The following BPTF variants were observed in gnomAD, a reference collection of about 807,000 sequenced individuals.
The protein encoded by BPTF is nucleosome-remodeling factor subunit BPTF.
Under a neutral mutation model 292.5 loss-of-function variants are expected in BPTF, and 18 were observed. The ratio of observed to expected loss-of-function variants is 0.06; its 90% CI spans 0.04 to 0.09. The LOEUF (loss-of-function observed/expected upper bound fraction) is 0.09. BPTF is among the 10% of genes least tolerant of loss of function. The probability of loss-of-function intolerance (pLI) is 1.00; values close to 1 mark genes in which losing one functional copy is unlikely to be tolerated. For missense variants in BPTF, 2,726 were observed against 3,498.7 expected (o/e 0.78, Z 5.57); for synonymous variants, 1,225 against 1,251.9 (o/e 0.98, Z 0.45).
At chr17:67,930,955 A>C (rs1186279351) in intron 17 of BPTF, among the ~76,000 whole-genome samples, 1 of 143,220 alleles carries the variant, frequency 7.0e-6, no homozygotes, top group Non-Finnish European at 1.5e-5. Context: ...ACTCTGTCTC[A>C]AAAAAAAAAA....
chr17:67,946,512 A>G (rs562260772), intron 21 of BPTF, among the ~76,000 whole-genome samples, 187 bp downstream of exon 21: 1 of 152,352 alleles, frequency 6.6e-6, no homozygotes, highest in Non-Finnish European at 1.5e-5. Flanking sequence ...ACTTCGTTAG[A>G]TACATATAAT....
rs1326352986 is a variant in BPTF at position 67,919,924 on chromosome 17, C to T, written c.5429-91C>T. 2.1e-5 allele frequency: 27 copies of T among 1,274,582 alleles called. 1 individual carries two copies. Among genetic ancestry groups the T allele is most frequent in the South Asian group, 8.7e-5 (6 of 68,658 alleles). The allele number at this position is 1,274,582 out of a possible 1,614,324, so 79.0% of individuals were successfully genotyped here. ...CAGGTGTTTCCAAAAGTTTATTCCA[C>T]GTGTGTCTCTTTTTGAAAGCACCAG... is the stretch of plus-strand genomic sequence containing the variant. On this transcript the variant is annotated intron_variant, in intron 12 of 27. Coordinates refer to ENST00000306378, the MANE Select transcript of BPTF (RefSeq NM_182641.4).
At chr17:67,964,892 C>CTGG (rs2067902117) in intron 25 of BPTF, 1 of 138,156 alleles carries the variant, frequency 7.2e-6, no homozygotes, top group African/African-American at 2.7e-5. Context: ...CTAGCTACTC[C>CTGG]GGAGGTTGAG....
At chr17:67,913,742 G>A (rs1298227918) in intron 11 of BPTF, among the ~76,000 whole-genome samples, 1 of 152,110 alleles carries the variant, frequency 6.6e-6, no homozygotes, top group Non-Finnish European at 1.5e-5. Flanking sequence ...CCCAGAAATA[G>A]TCCTAATTTA....
At chr17:67,916,930 G>C (rs2063045838) in intron 11 of BPTF, among the ~76,000 whole-genome samples, 1 of 152,002 alleles carries the variant, frequency 6.6e-6, no homozygotes, top group African/African-American at 2.4e-5. Context: ...TGTCAACAAA[G>C]TATTCAGTTA....
At chr17:67,838,073 G>C (rs56011159) in intron 1 of BPTF, among the ~76,000 whole-genome samples, 11 of 152,144 alleles carry the variant, frequency 7.2e-5, no homozygotes, top group Non-Finnish European at 1.5e-4. Context: ...TTGTTCTTAG[G>C]TTACCAATTA....
chr17:67,895,354 AAAG>A (rs1240866938), intron 7 of BPTF, among the ~76,000 whole-genome samples: 3 of 149,286 alleles, frequency 2.0e-5, no homozygotes, highest in African/African-American at 7.6e-5. Context: ...AAAAAAAAAA[AAAG>A]GAATGTAATA....
chr17:67,870,397 A>G (rs1300590057), intron 3 of BPTF, among the ~76,000 whole-genome samples: 3 of 152,082 alleles, frequency 2.0e-5, no homozygotes, highest in East Asian at 1.9e-4. Context: ...CAGGTGCTCA[A>G]CTAGGTGTTT....
At chr17:67,929,847 G>A (rs1040372450) in intron 17 of BPTF, among the ~76,000 whole-genome samples, 1 of 152,150 alleles carries the variant, frequency 6.6e-6, no homozygotes, top group Non-Finnish European at 1.5e-5. Flanking sequence ...CAGGTGCGGC[G>A]GCTCACGCCT....
At chr17:67,956,276 G>A (rs1289026560) in intron 23 of BPTF, 2 of 130,336 alleles carry the variant, frequency 1.5e-5, no homozygotes, top group African/African-American at 5.7e-5. Flanking sequence ...CCGAGATTGC[G>A]CCACTGCATT....
chr17:67,926,178 T>C (rs1200942495), intron 15 of BPTF, among the ~76,000 whole-genome samples: 1 of 151,324 alleles, frequency 6.6e-6, no homozygotes, highest in Non-Finnish European at 1.5e-5. Context: ...TGGCTGATTT[T>C]TGTGTTTTTT....
chr17:67,834,416 A>G (rs1275258455), intron 1 of BPTF, among the ~76,000 whole-genome samples: 2 of 152,194 alleles, frequency 1.3e-5, no homozygotes, highest in Admixed American at 1.3e-4. Flanking sequence ...AGTATTGCAT[A>G]AATGTCAATT....
Position 67,911,275 on chromosome 17 carries a change from G to T in BPTF, c.3391G>T (p.Asp1131Tyr). The T allele has an allele frequency of 6.2e-7, 1 of 1,614,030 alleles. No homozygotes were observed. The highest frequency in any genetic ancestry group is 8.5e-7 in the Non-Finnish European group (1 of 1,179,982). ...AGAACAGAGCCCAAATGCAAATAAT[G>T]ATCAACCTGAGGACTTGATTCAGGG... ...RQEQSPNANN[D>Y]QPEDLIQGCS... The change falls in exon 11 of 28, where the codon GAT (aspartate) becomes TAT (tyrosine). Residue 1131 changes from aspartate to tyrosine, a missense_variant. By Grantham distance (160) the Asp-to-Tyr change is radical (BLOSUM62 -3). Transcript: ENST00000306378.
chr17:67,911,873 A>G lies in BPTF; in HGVS notation c.3989A>G (p.Glu1330Gly). ...CGAGAACAAGATGTTGAAGTCTTGG[A>G]GCCGTTAAAGTGTGAGTTGGTTTCT... is the stretch of plus-strand genomic sequence containing the variant. ...RTREQDVEVL[E>G]PLKCELVSGE... Residue 1330 changes from glutamate to glycine, a missense_variant, in exon 11 of 28, where the codon GAG (glutamate) becomes GGG (glycine). Transcript: ENST00000306378. The G allele has an allele frequency of 6.2e-7, 1 of 1,614,080 alleles. No homozygotes were observed. Among genetic ancestry groups the G allele is most frequent in the Non-Finnish European group, 8.5e-7 (1 of 1,179,998 alleles).
chr17:67,982,489 A>T lies in BPTF; in HGVS notation c.*201A>T. 1 of 464,348 alleles carries T rather than the reference A, an allele frequency of 2.2e-6. No homozygotes were observed. The highest frequency in any genetic ancestry group is 3.9e-6 in the Non-Finnish European group (1 of 255,778). The allele number at this position is 464,348 out of a possible 1,614,324, so 28.8% of individuals were successfully genotyped here. A position where few individuals can be genotyped will look rare whatever the true frequency, so the allele number is the denominator to read the frequency against. On this transcript the variant is annotated 3_prime_UTR_variant, in exon 28 of 28. Transcript: ENST00000306378. ...AGAAAAAAGCAAAGTCAACGACACC[A>T]TTATCTTGTCAAGATCAGATGGTTT...
At chr17:67,875,669 T>C (rs2060007463) in intron 4 of BPTF, 4 of 1,606,762 alleles carry the variant, frequency 2.5e-6, no homozygotes, top group African/African-American at 1.3e-5. Flanking sequence ...CCCTGTGGGG[T>C]GTCTCTCAGA....
In BPTF at chr17:67,947,787, C is replaced by A. The variant is rs1555676184; in HGVS notation, c.7679C>A (p.Ala2560Asp). 2 of 1,552,772 alleles carry A rather than the reference C, an allele frequency of 1.3e-6. No individual in the cohort carries two copies. Among genetic ancestry groups the A allele is most frequent in the South Asian group, 2.4e-5 (2 of 84,106 alleles). ...AAACAGAAAAAGAGCATGACTCCAG[C>A]TGAAAGAGAAGAGAATCAAAGGTAG... Reference protein sequence around the residue: ...HLKQKKSMTPAEREENQRMIV... With the variant: ...HLKQKKSMTPDEREENQRMIV... Residue 2560 changes from alanine to aspartate, a missense_variant, in exon 22 of 28, where the codon GCT (alanine) becomes GAT (aspartate). Ala to Asp is a moderately radical substitution (Grantham distance 126, BLOSUM62 -2). Around this residue, in one of 22 missense-constraint regions of BPTF, gnomAD observed 570 missense variants for 633.5 expected, o/e 0.90. Transcript: ENST00000306378.
intron 8 of BPTF, 143 bp downstream of exon 8, chr17:67,904,061 C>A: frequency 1.2e-6 from 1 of 806,408 alleles, no homozygotes; most frequent in Non-Finnish European, 1.8e-6. Context: ...CAGAGTCTCG[C>A]TCTGTTGCCC....
Position 67,854,009 on chromosome 17 carries a change from A to T in BPTF, c.683A>T (p.Glu228Val). The T allele has an allele frequency of 6.2e-6, 10 of 1,614,154 alleles. No individual in the cohort carries two copies. Among genetic ancestry groups the T allele is most frequent in the African/African-American group, 1.3e-5 (1 of 75,042 alleles). The change falls in exon 2 of 28, where the codon GAA becomes GTA. Residue 228 changes from glutamate to valine, a missense_variant. Glu to Val is a moderately radical substitution (Grantham distance 121). Transcript: ENST00000306378. The surrounding 1 kb of genome is among the most constrained non-coding windows in gnomAD (Gnocchi z 5.6). ...ILEEKDIPPL[E>V]FPKSSEDLMV... ...GAAGAAAAAGACATCCCGCCCCTTG[A>T]ATTTCCCAAGTCCTCTGAGGATTTA... is the stretch of plus-strand genomic sequence containing the variant.
Sources: allele counts gnomAD v4.1 joint callset (sites outside exome capture counted in the v4.1 genomes callset), GRCh38; gene constraint gnomAD v4.1.1; regional missense constraint gnomAD v4.1.1; non-coding constraint Gnocchi (gnomAD v3.1); transcripts MANE v1.5; gene names NCBI Gene and HGNC (gene_info 2026-07-23, HGNC 2026-07-21).